Variants in FXR1 observed in about 807,000 individuals in gnomAD.
FXR1 encodes RNA-binding protein FXR1.
In FXR1, 15 loss-of-function variants were observed where a neutral mutation model predicts 84.0. The observed-to-expected ratio is 0.18, with a 90% CI of 0.12 to 0.27. The LOEUF is 0.27. Among genes scored for constraint, FXR1 ranks in the 10% least tolerant of loss-of-function variants. The pLI, the probability that FXR1 is intolerant of heterozygous loss-of-function variation, is 1.00. For missense variants in FXR1, 480 were observed against 774.4 expected, an observed-to-expected ratio of 0.62 and a Z score of 4.51; for synonymous variants, 245 against 250.7, an observed-to-expected ratio of 0.98 and a Z score of 0.21.
chr3:180,962,832 A>C, intron 11 of FXR1, 51 bp from the exon 12 acceptor site: 2 of 1,310,816 alleles, frequency 1.5e-6, no homozygotes, highest in Non-Finnish European at 2.2e-6. Context: ...GGCTTTAGGA[A>C]AACAAAAAGT....
At position 180,979,074 on chromosome 3, in the gene FXR1, T is replaced by C. The variant is rs1430043912; in HGVS notation, c.*2782T>C. 1 of 152,170 alleles carries C rather than the reference T, an allele frequency of 6.6e-6. No homozygotes were observed. The highest frequency in any genetic ancestry group is 2.4e-5 in the African/African-American group (1 of 41,462). 9.4% of individuals were successfully genotyped at this position (152,170 alleles called of 1,614,324 possible). ...GTTCACAGAAACTTACCTGAGATGA[T>C]GCTGGGTTCCATTGCTGTTGTGCTA... On this transcript the variant is annotated 3_prime_UTR_variant, in exon 17 of 17. Coordinates refer to ENST00000357559, the MANE Select transcript of FXR1 (RefSeq NM_005087.4).
chr3:180,921,936 A>G (rs1351145421), intron 1 of FXR1, among the ~76,000 whole-genome samples: 1 of 152,132 alleles, frequency 6.6e-6, no homozygotes, highest in Non-Finnish European at 1.5e-5. Flanking sequence ...ATATTTCACT[A>G]TGCTCGTAGA....
intron 11 of FXR1, among the ~76,000 whole-genome samples, chr3:180,962,606 GCTGT>G (rs1015801198): frequency 9.9e-5 from 15 of 152,136 alleles, no homozygotes; most frequent in African/African-American, 3.4e-4. Flanking sequence ...TTATTTTAAA[GCTGT>G]CTGTTAAACA....
In FXR1 at chr3:180,976,196, C is replaced by T; in HGVS notation, c.1770C>T (p.Asp590=). The T allele has an allele frequency of 6.2e-7, 1 of 1,612,386 alleles. No homozygotes were observed. Among genetic ancestry groups the T allele is most frequent in the Non-Finnish European group, 8.5e-7 (1 of 1,178,510 alleles). The change falls in exon 17 of 17, where the codon GAC becomes GAT. Residue 590 remains aspartate, a synonymous_variant. Coordinates refer to ENST00000357559, the MANE Select transcript of FXR1 (RefSeq NM_005087.4). ...GCCCAACTAGTGCTTCTGGCGATGA[C>T]ATTTCTAAGCTACAGCGTACTCCAG... is the stretch of plus-strand genomic sequence containing the variant. ...INGPTSASGD[D]ISKLQRTPGE... is the part of the protein sequence containing the mutation.
intron 1 of FXR1, among the ~76,000 whole-genome samples, chr3:180,925,747 CAATA>C (rs1719098466): frequency 6.6e-6 from 1 of 152,024 alleles, no homozygotes; most frequent in Non-Finnish European, 1.5e-5. Context: ...GAGTATGAAT[CAATA>C]AATAAACTGA....
intron 3 of FXR1, among the ~76,000 whole-genome samples, chr3:180,941,409 T>C (rs1017078122): frequency 2.6e-5 from 4 of 152,024 alleles, no homozygotes; most frequent in Admixed American, 2.6e-4. Context: ...CCCAAGCGAG[T>C]CTTGAACTCC....
chr3:180,960,463 A>G (rs1711954419), intron 10 of FXR1, among the ~76,000 whole-genome samples: 1 of 152,044 alleles, frequency 6.6e-6, no homozygotes, highest in South Asian at 2.1e-4. Flanking sequence ...TTTGAAGGAA[A>G]ATCGTTGTTT....
chr3:180,975,417 T>C lies in FXR1; in HGVS notation c.1695+13T>C. ...CAAGAAAGAAATGGTAAGGAGAATTTAACCTGTAGGTTTTTTTTTTTTTTA... is the reference window on the plus strand; with the variant it reads ...CAAGAAAGAAATGGTAAGGAGAATTCAACCTGTAGGTTTTTTTTTTTTTTA... On this transcript the variant is annotated intron_variant, in intron 16 of 16. Transcript: ENST00000357559. The C allele has an allele frequency of 9.0e-7, 1 of 1,114,690 alleles. No homozygotes were observed. The highest frequency in any genetic ancestry group is 1.3e-6 in the Non-Finnish European group (1 of 760,160). The allele number at this position is 1,114,690 out of a possible 1,614,324, so 69.0% of individuals were successfully genotyped here.
At chr3:180,954,880 T>G (rs1225057874) in intron 9 of FXR1, among the ~76,000 whole-genome samples, 1 of 151,184 alleles carries the variant, frequency 6.6e-6, no homozygotes, top group African/African-American at 2.4e-5. Context: ...AGATTTTTTT[T>G]TTTTTTTTTT....
rs1180449677 is a variant in FXR1 at position 180,981,096 on chromosome 3, CTTTT to C, written c.*4809_*4812del. 6.6e-6 allele frequency: 1 copy of C among 151,516 alleles called. No homozygotes were observed. Among genetic ancestry groups the C allele is most frequent in the Non-Finnish European group, 1.5e-5 (1 of 67,784 alleles). 9.4% of individuals were successfully genotyped at this position (151,516 alleles called of 1,614,324 possible). A position where few individuals can be genotyped will look rare whatever the true frequency, so the allele number is the denominator to read the frequency against. ...ACTACAAGCTTCTGAACTGCAAAAC[CTTTT>C]TTTTAGGTCACTGTCAACAGAAAGA... On this transcript the variant is annotated 3_prime_UTR_variant, in exon 17 of 17. Transcript: ENST00000357559.
intron 9 of FXR1, among the ~76,000 whole-genome samples, chr3:180,957,273 A>AT (rs1453674493): frequency 2.2e-4 from 34 of 152,258 alleles, no homozygotes; most frequent in Admixed American, 1.1e-3. Context: ...GCTTTATGTC[A>AT]TTTTTTATAT....
chr3:180,957,723 A>G (rs1711530308), intron 9 of FXR1, 96 bp from the exon 10 acceptor site: 1 of 610,884 alleles, frequency 1.6e-6, no homozygotes. Flanking sequence ...TGATGGTTGT[A>G]ATTTAGTAGC....
chr3:180,962,801 G>A (rs1712291184), intron 11 of FXR1, 82 bp from the exon 12 acceptor site: 1 of 868,096 alleles, frequency 1.2e-6, no homozygotes. Context: ...AGCTTTGATA[G>A]GGAGTACAGC....
intron 15 of FXR1, among the ~76,000 whole-genome samples, chr3:180,973,140 A>T (rs1713794130): frequency 6.6e-6 from 1 of 152,182 alleles, no homozygotes; most frequent in Admixed American, 6.5e-5. Flanking sequence ...GTTAATTATT[A>T]ATCTGTATTG....
intron 1 of FXR1, among the ~76,000 whole-genome samples, chr3:180,919,504 G>A (rs1186908682): frequency 6.6e-6 from 1 of 151,638 alleles, no homozygotes; most frequent in African/African-American, 2.4e-5. Context: ...GGCTGGTTTC[G>A]AACTCCTAAC....
chr3:180,963,885 T>C (rs1201379159), intron 13 of FXR1, among the ~76,000 whole-genome samples: 1 of 105,310 alleles, frequency 9.5e-6, no homozygotes, highest in Non-Finnish European at 2.4e-5. Flanking sequence ...GCCCCTTCTC[T>C]TTATTTTCTC....
chr3:180,930,350 G>T (rs1241147839), intron 1 of FXR1, among the ~76,000 whole-genome samples: 1 of 152,166 alleles, frequency 6.6e-6, no homozygotes, highest in Non-Finnish European at 1.5e-5. Context: ...GTTTATGGTG[G>T]AAGCGTTTGT....
At chr3:180,965,762 A>G (rs1195649908) in intron 13 of FXR1, among the ~76,000 whole-genome samples, 1 of 152,196 alleles carries the variant, frequency 6.6e-6, no homozygotes, top group African/African-American at 2.4e-5. Context: ...CAGTTATTTA[A>G]TATGAGTAAT....
At chr3:180,914,162 A>C (rs1717599682) in intron 1 of FXR1, among the ~76,000 whole-genome samples, 1 of 152,118 alleles carries the variant, frequency 6.6e-6, no homozygotes, top group African/African-American at 2.4e-5. Context: ...GTTAACATTG[A>C]CGTTCTCGGT....
Sources: gnomAD v4.1 joint callset for allele counts (sites outside exome capture counted in the v4.1 genomes callset) on GRCh38, gnomAD v4.1.1 for gene constraint, MANE v1.5 for transcripts, NCBI Gene and HGNC (gene_info 2026-07-23, HGNC 2026-07-21) for gene names.